PDE11A: variants seen among roughly 807,000 people sequenced by gnomAD.
PDE11A encodes the protein phosphodiesterase 11A.
A neutral mutation model predicts 100.5 loss-of-function variants in PDE11A; 100 were observed. The ratio of observed to expected loss-of-function variants is 1.00; its 90% CI spans 0.85 to 1.18. PDE11A has a LOEUF of 1.18. PDE11A is among the 50% of genes most tolerant of loss of function. PDE11A has a pLI of 0.00. For synonymous variants in PDE11A, 381 were observed against 420.8 expected (o/e 0.91, Z 1.16); for missense variants, 1,141 against 1,152.6 (o/e 0.99, Z 0.15).
In PDE11A at chr2:177,807,067, C is replaced by T. The variant is rs946343102; in HGVS notation, c.1737+9762G>A. On this transcript the variant is annotated intron_variant, in intron 9 of 19. Coordinates refer to ENST00000286063, the MANE Select transcript of PDE11A (RefSeq NM_016953.4). ...TATCAACTCTTAGATCCAAGAAACT[C>T]GGCGAACACCAAGCATAAGAAACAT... Among the ~76,000 whole-genome samples, 11 of 151,996 alleles carry T rather than the reference C, an allele frequency of 7.2e-5. No homozygotes were observed. In the South Asian group the frequency reaches 8.3e-4, roughly 11 times the overall value.
At chr2:177,998,733 A>G in intron 2 of PDE11A, 1 of 922,236 alleles carries the variant, frequency 1.1e-6, no homozygotes, top group Non-Finnish European at 1.8e-6. Context: ...ATCGGCCATG[A>G]TGCCATAGTT....
At chr2:178,095,394 C>T (rs1559070119) in intron 2 of PDE11A, among the ~76,000 whole-genome samples, 1 of 151,534 alleles carries the variant, frequency 6.6e-6, no homozygotes, top group Non-Finnish European at 1.5e-5. Context: ...TCATGTCTCA[C>T]ATCTGGGTCA....
At chr2:177,699,151 CACTT>C (rs2081160013) in intron 14 of PDE11A, among the ~76,000 whole-genome samples, 2 of 152,248 alleles carry the variant, frequency 1.3e-5, no homozygotes, top group African/African-American at 4.8e-5. Context: ...TCACAGAAAG[CACTT>C]ACACAAAACT....
chr2:177,857,086 C>A (rs1024619226), intron 5 of PDE11A, among the ~76,000 whole-genome samples: 1 of 151,864 alleles, frequency 6.6e-6, no homozygotes, highest in Non-Finnish European at 1.5e-5. Flanking sequence ...AAAAGTAACC[C>A]TCAATAAGAT....
chr2:177,954,332 C>T (rs1478581138), intron 2 of PDE11A, among the ~76,000 whole-genome samples: 1 of 152,072 alleles, frequency 6.6e-6, no homozygotes, highest in Non-Finnish European at 1.5e-5. Flanking sequence ...ATTCTTACAG[C>T]ATATCAAGTA....
intron 9 of PDE11A, among the ~76,000 whole-genome samples, chr2:177,778,429 A>G (rs1208862137): frequency 1.3e-5 from 2 of 152,360 alleles, no homozygotes; most frequent in Non-Finnish European, 2.9e-5. Flanking sequence ...GCGAGGAGGA[A>G]CAAAGACCCC....
intron 4 of PDE11A, among the ~76,000 whole-genome samples, chr2:177,896,638 G>A (rs757622359): frequency 6.6e-5 from 10 of 152,252 alleles, no homozygotes; most frequent in East Asian, 1.9e-4. Flanking sequence ...ACCACTTCCC[G>A]TTCCTTTAAG....
At chr2:177,719,412 A>G (rs545954556) in intron 12 of PDE11A, among the ~76,000 whole-genome samples, 1 of 152,186 alleles carries the variant, frequency 6.6e-6, no homozygotes, top group East Asian at 1.9e-4. Context: ...ATGTCCAGGC[A>G]CTGCAGCAGA....
At chr2:177,638,941 A>T (rs1456946653) in intron 19 of PDE11A, among the ~76,000 whole-genome samples, 1 of 152,172 alleles carries the variant, frequency 6.6e-6, no homozygotes, top group Non-Finnish European at 1.5e-5. Flanking sequence ...AACATCACTA[A>T]CCTGAAGACT....
intron 1 of PDE11A, among the ~76,000 whole-genome samples, chr2:178,028,300 C>CA (rs5836640): frequency 0.12 from 15,738 of 131,336 alleles, 1,215 homozygotes; most frequent in Non-Finnish European, 0.17. Context: ...CATGTTCCAT[C>CA]AAAAAAAAAA....
intron 6 of PDE11A, among the ~76,000 whole-genome samples, chr2:177,827,013 T>C (rs1192247686): frequency 6.6e-6 from 1 of 152,148 alleles, no homozygotes; most frequent in African/African-American, 2.4e-5. Flanking sequence ...TTACAGAGAA[T>C]AGAGAATGAC....
chr2:177,806,461 C>T (rs990719332), intron 9 of PDE11A, among the ~76,000 whole-genome samples: 1 of 152,172 alleles, frequency 6.6e-6, no homozygotes, highest in African/African-American at 2.4e-5. Context: ...TTTTTATGAT[C>T]AGCCTCTCAT....
chr2:177,763,671 C>T (rs917804843), intron 10 of PDE11A, among the ~76,000 whole-genome samples: 4 of 152,170 alleles, frequency 2.6e-5, no homozygotes, highest in African/African-American at 9.7e-5. Flanking sequence ...CCCTCTTCCT[C>T]TTCGGCGTTC....
chr2:177,901,204 C>G (rs1448085791), intron 3 of PDE11A, among the ~76,000 whole-genome samples: 1 of 152,114 alleles, frequency 6.6e-6, no homozygotes, highest in Non-Finnish European at 1.5e-5. Flanking sequence ...GATGGATCAG[C>G]TGGCACCACC....
chr2:177,882,796 G>A (rs182542294), intron 4 of PDE11A, among the ~76,000 whole-genome samples: 10 of 152,272 alleles, frequency 6.6e-5, no homozygotes, highest in African/African-American at 1.9e-4. Context: ...TCAAGTGCTA[G>A]TTGGTCTGGC....
intron 2 of PDE11A, among the ~76,000 whole-genome samples, chr2:178,007,993 A>C (rs1249244030): frequency 6.6e-6 from 1 of 152,208 alleles, no homozygotes; most frequent in African/African-American, 2.4e-5. Flanking sequence ...GGCATGAGCC[A>C]TCTCACCTGG....
chr2:178,033,026 A>C (rs1426791287), intron 1 of PDE11A, among the ~76,000 whole-genome samples: 2 of 152,216 alleles, frequency 1.3e-5, no homozygotes, highest in Non-Finnish European at 2.9e-5. Flanking sequence ...TGGCAAGGAC[A>C]CAAAACTGGA....
At chr2:178,012,379 A>C (rs1288021360) in intron 2 of PDE11A, among the ~76,000 whole-genome samples, 1 of 152,240 alleles carries the variant, frequency 6.6e-6, no homozygotes, top group African/African-American at 2.4e-5. Context: ...TATTTAAAAA[A>C]ATTGTATTTT....
upstream of PDE11A, among the ~76,000 whole-genome samples, chr2:178,074,293 G>C (rs2087178839): frequency 6.6e-6 from 1 of 152,106 alleles, no homozygotes; most frequent in Admixed American, 6.5e-5. Flanking sequence ...ATTGATTGTG[G>C]TGATAGTTGC....
Sources: gnomAD v4.1 joint callset for allele counts (sites outside exome capture counted in the v4.1 genomes callset) on GRCh38, gnomAD v4.1.1 for gene constraint, MANE v1.5 for transcripts, NCBI Gene and HGNC (gene_info 2026-07-23, HGNC 2026-07-21) for gene names.